HYCC2: variants seen among roughly 807,000 people sequenced by gnomAD.
The protein encoded by HYCC2 is hyccin PI4KA lipid kinase complex subunit 2, also known as hyccin 2.
the HYCC2 span, among the ~76,000 whole-genome samples, chr2:201,026,069 CATCTCACATGCAAAGACA>C: frequency 3.9e-5 from 6 of 152,056 alleles, no homozygotes; most frequent in Non-Finnish European, 8.8e-5. Flanking sequence ...TCAGGAGACC[CATCTCACATGCAAAGACA>C]TGCATAGGCT....
the HYCC2 span, among the ~76,000 whole-genome samples, chr2:201,004,035 CA>C: frequency 6.6e-6 from 1 of 151,924 alleles, no homozygotes; most frequent in African/African-American, 2.4e-5. Context: ...AGGCTGGTCT[CA>C]AACTCCTGAC....
the HYCC2 span, among the ~76,000 whole-genome samples, chr2:201,044,425 A>G: frequency 1.4e-4 from 22 of 152,300 alleles, no homozygotes; most frequent in African/African-American, 5.3e-4. Flanking sequence ...ACTACAACAT[A>G]ATGAACAAAA....
At chr2:201,019,947 G>C in the HYCC2 span, among the ~76,000 whole-genome samples, 1 of 151,870 alleles carries the variant, frequency 6.6e-6, no homozygotes, top group Non-Finnish European at 1.5e-5. Flanking sequence ...AAAATTAGCA[G>C]GGTGTGGTAG....
At chr2:201,007,117 A>C in the HYCC2 span, among the ~76,000 whole-genome samples, 1 of 152,208 alleles carries the variant, frequency 6.6e-6, no homozygotes, top group Non-Finnish European at 1.5e-5. Flanking sequence ...TGCTATACTA[A>C]ATGTAGATGC....
the HYCC2 span, among the ~76,000 whole-genome samples, chr2:201,047,445 C>T: frequency 1.4e-5 from 2 of 139,608 alleles, no homozygotes; most frequent in South Asian, 2.2e-4. Flanking sequence ...TCACAGTTCT[C>T]ATATATATAT....
At chr2:201,002,282 A>G in the HYCC2 span, among the ~76,000 whole-genome samples, 30 of 95,588 alleles carry the variant, frequency 3.1e-4, no homozygotes, top group South Asian at 7.1e-3. Context: ...CCAATCAGCC[A>G]AAAAAAAAAA....
At chr2:200,986,578 G>C in the HYCC2 span, among the ~76,000 whole-genome samples, 3 of 152,006 alleles carry the variant, frequency 2.0e-5, no homozygotes, top group Non-Finnish European at 2.9e-5. Flanking sequence ...GGGGTTCGGG[G>C]GGGAAGGGTA....
At chr2:200,996,575 A>G in the HYCC2 span, 3 of 152,276 alleles carry the variant, frequency 2.0e-5, no homozygotes, top group Non-Finnish European at 4.4e-5. Flanking sequence ...GAATGAGCCA[A>G]TATGGCACCA....
chr2:201,063,563 G>A, the HYCC2 span: 679 of 1,586,108 alleles, frequency 4.3e-4, 3 homozygotes, highest in African/African-American at 7.6e-3. Flanking sequence ...CCATGACTCC[G>A]TGGATAAGAT....
chr2:201,008,957 C>T, the HYCC2 span: 1 of 1,464,104 alleles, frequency 6.8e-7, no homozygotes, highest in Non-Finnish European at 9.6e-7. Context: ...TTACTATATA[C>T]AGTTTTGACC....
chr2:200,985,449 C>T, the HYCC2 span, among the ~76,000 whole-genome samples: 1 of 151,888 alleles, frequency 6.6e-6, no homozygotes, highest in East Asian at 1.9e-4. Context: ...TTGCTTGAGC[C>T]CAGGAGTTTG....
At chr2:201,030,508 C>T in the HYCC2 span, among the ~76,000 whole-genome samples, 1 of 151,356 alleles carries the variant, frequency 6.6e-6, no homozygotes, top group African/African-American at 2.4e-5. Context: ...ATGTTCACAT[C>T]ATATATAGTG....
the HYCC2 span, among the ~76,000 whole-genome samples, chr2:201,003,554 C>A: frequency 1.3e-5 from 2 of 151,726 alleles, no homozygotes; most frequent in Admixed American, 6.6e-5. Context: ...ACTAAAAATA[C>A]AAAAATTAGC....
chr2:201,020,951 T>C, the HYCC2 span, among the ~76,000 whole-genome samples: 1 of 152,074 alleles, frequency 6.6e-6, no homozygotes, highest in Non-Finnish European at 1.5e-5. Context: ...GTATTTTTAG[T>C]AGAGACGGGG....
chr2:200,982,973 G>A, the HYCC2 span, among the ~76,000 whole-genome samples: 1 of 152,066 alleles, frequency 6.6e-6, no homozygotes. Context: ...GGCCAGGCTG[G>A]TCTCCGACTC....
chr2:200,995,895 T>G, the HYCC2 span, among the ~76,000 whole-genome samples: 32 of 152,322 alleles, frequency 2.1e-4, no homozygotes, highest in African/African-American at 7.5e-4. Context: ...TTAACCTTTT[T>G]GGGGGATTGA....
the HYCC2 span, among the ~76,000 whole-genome samples, chr2:201,035,372 C>T: frequency 6.6e-6 from 1 of 152,016 alleles, no homozygotes; most frequent in Non-Finnish European, 1.5e-5. Flanking sequence ...TCACTGATAC[C>T]CTTTCTTCCA....
the HYCC2 span, among the ~76,000 whole-genome samples, chr2:201,041,033 C>T: frequency 1.3e-5 from 2 of 152,172 alleles, no homozygotes; most frequent in Non-Finnish European, 1.5e-5. Flanking sequence ...TACTCAAACC[C>T]GCTGTCCCTC....
chr2:200,984,922 G>C, the HYCC2 span, among the ~76,000 whole-genome samples: 1 of 152,150 alleles, frequency 6.6e-6, no homozygotes, highest in Non-Finnish European at 1.5e-5. Flanking sequence ...AGACTAGTCT[G>C]GGCAACATAG....
Sources: gnomAD v4.1 joint callset for allele counts (sites outside exome capture counted in the v4.1 genomes callset) on GRCh38, gnomAD v4.1.1 for gene constraint, MANE v1.5 for transcripts, NCBI Gene and HGNC (gene_info 2026-07-23, HGNC 2026-07-21) for gene names.